MACROD2: variants seen among roughly 807,000 people sequenced by gnomAD.
The protein encoded by MACROD2 is ADP-ribose glycohydrolase MACROD2.
A neutral mutation model predicts 70.4 loss-of-function variants in MACROD2; 36 were observed. The observed-to-expected ratio is 0.51, with a 90% CI of 0.39 to 0.68. The LOEUF (loss-of-function observed/expected upper bound fraction) is 0.68, where lower values mean the gene tolerates loss of function less well. MACROD2 is among the 30% of genes least tolerant of loss of function. The pLI, the probability that MACROD2 is intolerant of heterozygous loss-of-function variation, is 0.00. For synonymous variants in MACROD2, 172 were observed against 178.8 expected, an observed-to-expected ratio of 0.96 and a Z score of 0.30; for missense variants, 496 against 538.4, an observed-to-expected ratio of 0.92 and a Z score of 0.78.
intron 2 of MACROD2, among the ~76,000 whole-genome samples, chr20:14,072,199 C>A (rs908065447): frequency 6.6e-6 from 1 of 151,922 alleles, no homozygotes; most frequent in East Asian, 1.9e-4. Flanking sequence ...TCTGGAAAAC[C>A]AGTTATGTTT....
intron 15 of MACROD2, among the ~76,000 whole-genome samples, chr20:15,994,696 A>G (rs1425888286): frequency 6.6e-6 from 1 of 152,160 alleles, no homozygotes; most frequent in Non-Finnish European, 1.5e-5. Context: ...TATCATATAG[A>G]GAGTTAGCCT....
chr20:16,024,324 A>G (rs2147561751), intron 15 of MACROD2, among the ~76,000 whole-genome samples: 1 of 152,328 alleles, frequency 6.6e-6, no homozygotes, highest in Non-Finnish European at 1.5e-5. Flanking sequence ...TAGCAATTGT[A>G]AGGCTATTGA....
intron 4 of MACROD2, among the ~76,000 whole-genome samples, chr20:14,498,218 A>G (rs1365549567): frequency 1.3e-5 from 2 of 148,988 alleles, no homozygotes; most frequent in Non-Finnish European, 2.9e-5. Context: ...AGGTGCACCA[A>G]AATCTCAGCC....
chr20:15,760,185 G>A (rs1404364623), intron 8 of MACROD2, among the ~76,000 whole-genome samples: 1 of 152,182 alleles, frequency 6.6e-6, no homozygotes, highest in Non-Finnish European at 1.5e-5. Flanking sequence ...TCATCGTGAG[G>A]AGTGTCTCGG....
intron 5 of MACROD2, among the ~76,000 whole-genome samples, chr20:14,734,248 C>T (rs2071631388): frequency 6.6e-6 from 1 of 151,956 alleles, no homozygotes; most frequent in Non-Finnish European, 1.5e-5. Flanking sequence ...CCTGTAATCC[C>T]AGCACTTTGG....
At chr20:14,493,550 G>T (rs1353205817) in intron 4 of MACROD2, 42 bp downstream of exon 4, 1 of 1,510,438 alleles carries the variant, frequency 6.6e-7, no homozygotes, top group Admixed American at 1.7e-5. Flanking sequence ...CATTTTAATT[G>T]TTATACCAAC....
At chr20:15,280,357 A>G (rs1325694488) in intron 6 of MACROD2, among the ~76,000 whole-genome samples, 1 of 152,206 alleles carries the variant, frequency 6.6e-6, no homozygotes, top group East Asian at 1.9e-4. Context: ...ATGTTGGGGT[A>G]ATAGTCACAG....
intron 5 of MACROD2, among the ~76,000 whole-genome samples, chr20:14,777,779 ATG>A (rs2123780800): frequency 6.6e-6 from 1 of 152,250 alleles, no homozygotes; most frequent in South Asian, 2.1e-4. Context: ...AGTGTAAGGA[ATG>A]TGTGAGTTTC....
chr20:14,937,422 T>A (rs1013605728), intron 5 of MACROD2, among the ~76,000 whole-genome samples: 1 of 152,244 alleles, frequency 6.6e-6, no homozygotes, highest in African/African-American at 2.4e-5. Context: ...TCTCAAAAAA[T>A]ATTCTTGTGA....
At chr20:15,876,673 C>G (rs962383272) in intron 9 of MACROD2, among the ~76,000 whole-genome samples, 1 of 152,064 alleles carries the variant, frequency 6.6e-6, no homozygotes, top group African/African-American at 2.4e-5. Flanking sequence ...GTTCTAGATC[C>G]CTGAGGAGTC....
intron 6 of MACROD2, among the ~76,000 whole-genome samples, chr20:15,360,324 G>A (rs1424151961): frequency 1.3e-5 from 2 of 152,098 alleles, no homozygotes; most frequent in East Asian, 1.9e-4. Context: ...ACATTTATGT[G>A]CAGGTTTTTG....
At chr20:15,402,581 T>C (rs1434403904) in intron 6 of MACROD2, among the ~76,000 whole-genome samples, 1 of 151,982 alleles carries the variant, frequency 6.6e-6, no homozygotes, top group African/African-American at 2.4e-5. Context: ...GGCTCCAAAA[T>C]GGAAAAGAGT....
chr20:14,023,289 C>T (rs2053113831), intron 2 of MACROD2, among the ~76,000 whole-genome samples: 6 of 152,130 alleles, frequency 3.9e-5, no homozygotes, highest in Admixed American at 3.9e-4. Context: ...CTTGTAGATT[C>T]TGGATATTAG....
chr20:14,935,128 C>CAAAT (rs1029892199), intron 5 of MACROD2: 5 of 141,204 alleles, frequency 3.5e-5, no homozygotes, highest in African/African-American at 1.5e-4. Context: ...CTATATTTCA[C>CAAAT]ACACACACAC....
intron 5 of MACROD2, among the ~76,000 whole-genome samples, chr20:14,817,291 G>A (rs1331929418): frequency 1.3e-5 from 2 of 152,118 alleles, no homozygotes; most frequent in African/African-American, 4.8e-5. Context: ...TTTCATGGCA[G>A]GGAGCCAGTT....
intron 5 of MACROD2, among the ~76,000 whole-genome samples, chr20:14,777,417 A>G (rs923831277): frequency 2.0e-5 from 3 of 151,916 alleles, no homozygotes; most frequent in African/African-American, 7.3e-5. Flanking sequence ...GACGTGCCCT[A>G]TGATATGTGT....
At chr20:15,738,111 T>C (rs2051051551) in intron 8 of MACROD2, among the ~76,000 whole-genome samples, 1 of 151,940 alleles carries the variant, frequency 6.6e-6, no homozygotes, top group Admixed American at 6.6e-5. Context: ...AAAGAGTGAA[T>C]AAAATCTAGT....
At chr20:15,490,690 G>T (rs1426773710) in intron 7 of MACROD2, among the ~76,000 whole-genome samples, 8 of 152,180 alleles carry the variant, frequency 5.3e-5, no homozygotes, top group Admixed American at 4.6e-4. Flanking sequence ...AGTGGGACCA[G>T]GGAGCCATCA....
At chr20:15,535,180 T>G (rs1478074779) in intron 8 of MACROD2, among the ~76,000 whole-genome samples, 3 of 152,146 alleles carry the variant, frequency 2.0e-5, no homozygotes, top group Admixed American at 1.3e-4. Flanking sequence ...TCATGCTATG[T>G]TGCCCAGATT....
Sources: gnomAD v4.1 joint callset for allele counts (sites outside exome capture counted in the v4.1 genomes callset) on GRCh38, gnomAD v4.1.1 for gene constraint, MANE v1.5 for transcripts, NCBI Gene and HGNC (gene_info 2026-07-23, HGNC 2026-07-21) for gene names.